Variants in SETBP1 observed in about 807,000 individuals in gnomAD.
SETBP1 encodes the protein SET binding protein 1.
SETBP1 carries 9 observed loss-of-function variants against 101.0 expected under a neutral mutation model. The observed-to-expected ratio is 0.09, with a 90% CI of 0.05 to 0.16. SETBP1 has a LOEUF of 0.16. Ranked by LOEUF, SETBP1 falls within the 10% of genes least tolerant of loss-of-function variation. SETBP1 has a pLI of 1.00. For synonymous variants in SETBP1, 818 were observed against 788.5 expected, an observed-to-expected ratio of 1.04 and a Z score of -0.63; for missense variants, 1,858 against 2,033.8, an observed-to-expected ratio of 0.91 and a Z score of 1.66.
chr18:44,983,325 A>T (rs1453690229), intron 4 of SETBP1, among the ~76,000 whole-genome samples: 1 of 152,134 alleles, frequency 6.6e-6, no homozygotes, highest in African/African-American at 2.4e-5. Context: ...AATTAATTTG[A>T]GGGCTTGTGA....
intron 5 of SETBP1, among the ~76,000 whole-genome samples, chr18:45,038,945 CA>C (rs1239842882): frequency 2.0e-5 from 3 of 152,188 alleles, no homozygotes; most frequent in Non-Finnish European, 4.4e-5. Context: ...CACTCTTTAT[CA>C]AGCCTTAGGA....
chr18:45,008,842 G>A (rs2072780503), intron 4 of SETBP1, among the ~76,000 whole-genome samples: 1 of 152,182 alleles, frequency 6.6e-6, no homozygotes, highest in African/African-American at 2.4e-5. Flanking sequence ...GCCCAGCCCT[G>A]CACTCTCTCT....
At chr18:44,771,446 A>G (rs1043123552) in intron 2 of SETBP1, among the ~76,000 whole-genome samples, 3 of 151,928 alleles carry the variant, frequency 2.0e-5, no homozygotes, top group Admixed American at 6.6e-5. Flanking sequence ...CACAATGAGA[A>G]TAGGCAGAGA....
At chr18:44,717,914 CTGTG>C (rs5824555) in intron 2 of SETBP1, among the ~76,000 whole-genome samples, 2 of 150,484 alleles carry the variant, frequency 1.3e-5, no homozygotes, top group African/African-American at 4.9e-5. Context: ...ATATATGCAT[CTGTG>C]TGTGTGTGTG....
chr18:44,972,247 G>A (rs1377694217), intron 4 of SETBP1, among the ~76,000 whole-genome samples: 1 of 152,028 alleles, frequency 6.6e-6, no homozygotes, highest in Non-Finnish European at 1.5e-5. Flanking sequence ...CTCTGTTTTG[G>A]TACCAGTCCC....
At chr18:44,978,625 G>A (rs1044684875) in intron 4 of SETBP1, among the ~76,000 whole-genome samples, 1 of 152,100 alleles carries the variant, frequency 6.6e-6, no homozygotes. Flanking sequence ...TTCAAATGAG[G>A]GCTCTTACTG....
intron 3 of SETBP1, among the ~76,000 whole-genome samples, chr18:44,887,917 C>G (rs1246259338): frequency 1.3e-5 from 2 of 152,070 alleles, no homozygotes; most frequent in East Asian, 3.9e-4. Flanking sequence ...ACCTGGAACC[C>G]AGATTCCAAA....
At chr18:44,972,726 T>C (rs2071894900) in intron 4 of SETBP1, among the ~76,000 whole-genome samples, 1 of 152,250 alleles carries the variant, frequency 6.6e-6, no homozygotes, top group African/African-American at 2.4e-5. Flanking sequence ...ACATCGATTT[T>C]GTATCCAGAG....
chr18:44,902,894 A>C (rs1369360951), intron 3 of SETBP1, among the ~76,000 whole-genome samples: 2 of 148,972 alleles, frequency 1.3e-5, no homozygotes, highest in Non-Finnish European at 2.9e-5. Context: ...TTTACATGTT[A>C]TATATATATA....
chr18:44,928,143 T>C (rs1439253542), intron 3 of SETBP1, among the ~76,000 whole-genome samples: 3 of 152,208 alleles, frequency 2.0e-5, no homozygotes, highest in Non-Finnish European at 2.9e-5. Flanking sequence ...AGTGTTCTCA[T>C]TGTTCAATTC....
intron 4 of SETBP1, among the ~76,000 whole-genome samples, chr18:45,007,113 G>T (rs1235684213): frequency 6.6e-6 from 1 of 152,142 alleles, no homozygotes; most frequent in African/African-American, 2.4e-5. Flanking sequence ...CAACCATGCT[G>T]CTAGTGGAAA....
At chr18:45,027,122 G>T (rs189058946) in intron 4 of SETBP1, among the ~76,000 whole-genome samples, 1 of 152,126 alleles carries the variant, frequency 6.6e-6, no homozygotes, top group African/African-American at 2.4e-5. Context: ...CTATAGAATC[G>T]AGAGAGAGTG....
chr18:44,814,741 C>A (rs1158164650), intron 2 of SETBP1, among the ~76,000 whole-genome samples: 1 of 152,180 alleles, frequency 6.6e-6, no homozygotes, highest in Non-Finnish European at 1.5e-5. Flanking sequence ...TCGGGCAGTG[C>A]ACAACTTGTG....
At chr18:44,937,492 T>C (rs2145028297) in intron 3 of SETBP1, among the ~76,000 whole-genome samples, 1 of 149,616 alleles carries the variant, frequency 6.7e-6, no homozygotes, top group South Asian at 2.1e-4. Context: ...GCACTACTGC[T>C]AGTTTCTAGA....
intron 2 of SETBP1, among the ~76,000 whole-genome samples, chr18:44,725,116 A>T (rs905229063): frequency 5.3e-5 from 8 of 152,176 alleles, no homozygotes; most frequent in Admixed American, 2.0e-4. Flanking sequence ...TTACCATCAG[A>T]TAAATGTAAA....
chr18:44,716,350 AG>A (rs2069464103), intron 2 of SETBP1, among the ~76,000 whole-genome samples: 1 of 152,084 alleles, frequency 6.6e-6, no homozygotes, highest in Non-Finnish European at 1.5e-5. Flanking sequence ...CAAAAAAAAT[AG>A]GGAAAAAATT....
chr18:44,741,086 CA>C (rs2070087118), intron 2 of SETBP1, among the ~76,000 whole-genome samples: 1 of 152,150 alleles, frequency 6.6e-6, no homozygotes, highest in African/African-American at 2.4e-5. Context: ...AACTTTAAGG[CA>C]AAAATTGGGC....
chr18:44,906,043 C>A (rs568654323), intron 3 of SETBP1, among the ~76,000 whole-genome samples: 287 of 152,284 alleles, frequency 1.9e-3, no homozygotes, highest in African/African-American at 6.6e-3. Flanking sequence ...GGCCCAGCAG[C>A]AGTTCTGATT....
intron 2 of SETBP1, among the ~76,000 whole-genome samples, chr18:44,797,883 C>T (rs2071517048): frequency 1.3e-5 from 2 of 152,158 alleles, no homozygotes; most frequent in African/African-American, 4.8e-5. Flanking sequence ...CTGATCTCAT[C>T]TCAAATCCAG....
Sources: gnomAD v4.1 joint callset for allele counts (sites outside exome capture counted in the v4.1 genomes callset) on GRCh38, gnomAD v4.1.1 for gene constraint, MANE v1.5 for transcripts, NCBI Gene and HGNC (gene_info 2026-07-23, HGNC 2026-07-21) for gene names.